The following CIITA variants were observed in gnomAD, a reference collection of about 807,000 sequenced individuals.
CIITA encodes the protein class II major histocompatibility complex transactivator.
In CIITA, 72 loss-of-function variants were observed where a neutral mutation model predicts 115.1. The observed-to-expected ratio is 0.63, with a 90% CI of 0.52 to 0.76. The LOEUF is 0.76. Ranked by LOEUF, CIITA falls within the 30% of genes least tolerant of loss-of-function variation. CIITA has a pLI of 0.00. For missense variants in CIITA, 1,617 were observed against 1,463.8 expected, an observed-to-expected ratio of 1.10 and a Z score of -1.71; for synonymous variants, 763 against 635.6, an observed-to-expected ratio of 1.20 and a Z score of -3.02.
intron 13 of CIITA, among the ~76,000 whole-genome samples, chr16:10,914,862 A>C (rs1002291154): frequency 1.3e-5 from 2 of 152,206 alleles, no homozygotes; most frequent in African/African-American, 4.8e-5. Context: ...ATGCAAAGGC[A>C]TATTAGTCAA....
At chr16:10,888,222 T>C (rs2037158340) in intron 1 of CIITA, 1 of 152,364 alleles carries the variant, frequency 6.6e-6, no homozygotes. Context: ...TCCATGCAAC[T>C]TAACTCCCCT....
intron 1 of CIITA, among the ~76,000 whole-genome samples, chr16:10,881,102 CA>C: frequency 6.6e-6 from 1 of 151,926 alleles, no homozygotes; most frequent in Admixed American, 6.6e-5. Flanking sequence ...GGAGAAACCC[CA>C]ACTCTACTAA....
rs929441487 is a variant in CIITA at position 10,884,485 on chromosome 16, G to T, written c.52+7103G>T. Among the ~76,000 whole-genome samples the T allele has an allele frequency of 2.6e-5, 4 of 152,160 alleles. 1 individual carries two copies. ...GTTGGAGTGCAGTGGCACAGTCATT[G>T]CTCACTGCAGCCTCAAGCTCCTGAG... On this transcript the variant is annotated intron_variant, in intron 1 of 19. Transcript: ENST00000324288.
In CIITA at chr16:10,941,670, G is replaced by T. The variant is rs1468359820; in HGVS notation, n.796G>T. On this transcript the variant is annotated non_coding_transcript_exon_variant, in exon 2 of 2. Coordinates refer to the CIITA transcript ENST00000573379. The surrounding 1 kb of genome is among the most constrained non-coding windows in gnomAD (Gnocchi z 6.4). Reference sequence around the variant, plus strand: ...GCATGATCTGGGCGGCTGGTCCAGGGCATGGGTTGCGGATCGTGTAGGGAA... The same window carrying T: ...GCATGATCTGGGCGGCTGGTCCAGGTCATGGGTTGCGGATCGTGTAGGGAA... 4 of 1,559,856 alleles carry T rather than the reference G, an allele frequency of 2.6e-6. No homozygotes were observed. The highest frequency in any genetic ancestry group is 1.8e-5 in the Admixed American group (1 of 56,360).
intron 15 of CIITA, 92 bp from the exon 16 acceptor site, chr16:10,918,348 C>T: frequency 2.7e-6 from 3 of 1,122,528 alleles, no homozygotes; most frequent in Non-Finnish European, 4.1e-6. Flanking sequence ...TCGACAGCGC[C>T]ATTCACAGCC....
At position 10,902,268 on chromosome 16, in the gene CIITA, G is replaced by A. The variant is rs199476066; in HGVS notation, c.628+84G>A. 1.3e-6 allele frequency: 2 copies of A among 1,561,978 alleles called. No homozygotes were observed. Among genetic ancestry groups the A allele is most frequent in the African/African-American group, 1.4e-5 (1 of 73,824 alleles). On this transcript the variant is annotated intron_variant, in intron 7 of 19. Coordinates refer to ENST00000324288, the MANE Select transcript of CIITA (RefSeq NM_000246.4). ...TTGACACTAAGGCAGGGACTGTCAG[G>A]AACTGGACCTCACCTCTCCCCAACC...
rs1485756307 is a variant in CIITA, at chr16:10,933,099, C to A, written c.*9244C>A. 6.6e-6 allele frequency: 1 copy of A among 152,210 alleles called. No individual in the cohort carries two copies. Among genetic ancestry groups the A allele is most frequent in the African/African-American group, 2.4e-5 (1 of 41,448 alleles). 9.4% of individuals were successfully genotyped at this position (152,210 alleles called of 1,614,324 possible). Reference sequence around the variant, plus strand: ...GGCAGCAGGTTCTCCAACCTTCTGACATCATCAGAGCACAGCAGACAAGTT... The same window carrying A: ...GGCAGCAGGTTCTCCAACCTTCTGAAATCATCAGAGCACAGCAGACAAGTT... On this transcript the variant is annotated 3_prime_UTR_variant, in exon 20 of 20. Coordinates refer to ENST00000324288, the MANE Select transcript of CIITA (RefSeq NM_000246.4).
intron 16 of CIITA, 58 bp downstream of exon 16, chr16:10,918,584 G>A: frequency 1.4e-6 from 2 of 1,480,724 alleles, no homozygotes; most frequent in South Asian, 1.1e-5. Context: ...AGAGCGCAGG[G>A]AACCCACATC....
At chr16:10,921,384 C>G (rs953352203) in intron 16 of CIITA, among the ~76,000 whole-genome samples, 2 of 152,176 alleles carry the variant, frequency 1.3e-5, no homozygotes, top group East Asian at 3.8e-4. Flanking sequence ...CAGTGACTGG[C>G]TTTTTCTCTT....
chr16:10,901,668 C>G lies in CIITA; in HGVS notation c.481+110C>G, dbSNP rs962011771. The stretch of plus-strand genomic sequence containing the variant: ...GATGGGGATGGTGCATGGTGCAGCC[C>G]CTGCCCTTCTTTGGGTAGAGGCTGA... On this transcript the variant is annotated intron_variant, in intron 6 of 19. Coordinates refer to ENST00000324288, the MANE Select transcript of CIITA (RefSeq NM_000246.4). This position sits in a 1 kb window ranked among gnomAD's most constrained non-coding sequence, Gnocchi z 6.8. 2 of 1,204,504 alleles carry G rather than the reference C, an allele frequency of 1.7e-6. No individual in the cohort carries two copies. Among genetic ancestry groups the G allele is most frequent in the African/African-American group, 3.0e-5 (2 of 66,300 alleles). The allele number at this position is 1,204,504 out of a possible 1,614,324, so 74.6% of individuals were successfully genotyped here.
In CIITA at chr16:10,906,673, A is replaced by C; in HGVS notation, c.1181A>C (p.Gln394Pro). 1 of 1,613,328 alleles carries C rather than the reference A, an allele frequency of 6.2e-7. No homozygotes were observed. The highest frequency in any genetic ancestry group is 1.1e-5 in the South Asian group (1 of 91,078). ...GACTGGGCAGAACGGCAGCTGGCCC[A>C]AGGAGGCCTGGCTGAGGTGCTGTTG... Reference protein sequence around the residue: ...TPDWAERQLAQGGLAEVLLAA... With the variant: ...TPDWAERQLAPGGLAEVLLAA... Residue 394 changes from glutamine (Q) to proline (P), a missense_variant, in exon 11 of 20, where the codon CAA (glutamine) becomes CCA (proline). Physicochemically the swap from Gln to Pro is moderately conservative, Grantham distance 76. Coordinates refer to ENST00000324288, the MANE Select transcript of CIITA (RefSeq NM_000246.4).
rs776459264 is a variant in CIITA at position 10,902,187 on chromosome 16, A to G, written c.628+3A>G. 6 of 1,614,000 alleles carry G rather than the reference A, an allele frequency of 3.7e-6. No individual in the cohort carries two copies. The highest frequency in any genetic ancestry group is 1.1e-5 in the South Asian group (1 of 91,084). On this transcript the variant is annotated splice_donor_region_variant and intron_variant, in intron 7 of 19. Coordinates refer to ENST00000324288, the MANE Select transcript of CIITA (RefSeq NM_000246.4). ...GGAGAAAACCGACCAGATTCCCAGT[A>G]TGTTAGGGGGCTTGGAGAGAGTGGG...
Position 10,924,155 on chromosome 16 carries a change from C to CA in CIITA, c.*301dup, listed in dbSNP as rs1408697142. On this transcript the variant is annotated 3_prime_UTR_variant, in exon 20 of 20. Coordinates refer to ENST00000324288, the MANE Select transcript of CIITA (RefSeq NM_000246.4). ...GGCCTTCTCTGAAGGACATTGCGGACAGCCACGGCCAGGCCAGAGGGAGTG... is the reference window on the plus strand; with the variant it reads ...GGCCTTCTCTGAAGGACATTGCGGACAAGCCACGGCCAGGCCAGAGGGAGTG... 6.6e-6 allele frequency: 1 copy of CA among 152,346 alleles called. No individual in the cohort carries two copies. The highest frequency in any genetic ancestry group is 2.4e-5 in the African/African-American group (1 of 41,462). 9.4% of individuals were successfully genotyped at this position (152,346 alleles called of 1,614,324 possible).
At position 10,898,911 on chromosome 16, in the gene CIITA, T is replaced by G. The variant is rs2038421404; in HGVS notation, c.359-14T>G. 6.2e-7 allele frequency: 1 copy of G among 1,613,638 alleles called. No homozygotes were observed. The highest frequency in any genetic ancestry group is 1.3e-5 in the African/African-American group (1 of 74,772). On this transcript the variant is annotated splice_polypyrimidine_tract_variant and intron_variant, in intron 4 of 19. Transcript: ENST00000324288. ...TTGATTGTGTGAGTTGGTCTCTGGT[T>G]TTTCTCAAAGTAGAGCACATAGGAC...
At chr16:10,905,612 A>C (rs147617411) in intron 10 of CIITA, among the ~76,000 whole-genome samples, 331 of 151,932 alleles carry the variant, frequency 2.2e-3, no homozygotes, top group Middle Eastern at 3.4e-3. Flanking sequence ...AAATACAAAA[A>C]TTAGCCAGAC....
chr16:10,901,284 T>A lies in CIITA; in HGVS notation c.437-230T>A, dbSNP rs770737702. Among the ~76,000 whole-genome samples, 7 of 152,290 alleles carry A rather than the reference T, an allele frequency of 4.6e-5. No homozygotes were observed. Among genetic ancestry groups the A allele is most frequent in the Admixed American group, 1.3e-4 (2 of 15,296 alleles). On this transcript the variant is annotated intron_variant, in intron 5 of 19. Coordinates refer to ENST00000324288, the MANE Select transcript of CIITA (RefSeq NM_000246.4). This position sits in a 1 kb window ranked among gnomAD's most constrained non-coding sequence, Gnocchi z 6.8. ...GGCTCAAACCCATGTTGTGTCCCCATTTGTGACTCGGCCTCTTCTGCTGCT... is the reference window on the plus strand; with the variant it reads ...GGCTCAAACCCATGTTGTGTCCCCAATTGTGACTCGGCCTCTTCTGCTGCT...
In CIITA at chr16:10,923,428, G is replaced by A. The variant is rs190480337; in HGVS notation, c.*22+103G>A. The A allele has an allele frequency of 1.9e-4, 168 of 883,882 alleles. 1 individual carries two copies. The East Asian group carries it at 3.6e-3, about 19-fold the overall frequency. The allele number at this position is 883,882 out of a possible 1,614,324, so 54.8% of individuals were successfully genotyped here. On this transcript the variant is annotated intron_variant, in intron 19 of 19. Coordinates refer to ENST00000324288, the MANE Select transcript of CIITA (RefSeq NM_000246.4). The surrounding 1 kb of genome is among the most constrained non-coding windows in gnomAD (Gnocchi z 5.2). ...TGTGGGCGGGACACAGGTGGGGCTAGGCCACCACCCTTGGACGCATGCGTC... is the reference window on the plus strand; with the variant it reads ...TGTGGGCGGGACACAGGTGGGGCTAAGCCACCACCCTTGGACGCATGCGTC...
In CIITA at chr16:10,902,704, A is replaced by T. The variant is rs754357271; in HGVS notation, c.675A>T (p.Gly225=). Residue 225 remains glycine (G), a synonymous_variant, in exon 8 of 20, where the codon GGA becomes GGT. Coordinates refer to ENST00000324288, the MANE Select transcript of CIITA (RefSeq NM_000246.4). Reference sequence around the variant, plus strand: ...TGAGCTGCCTGAATCTCCCTGAGGGACCCATCCAGTTTGTCCCCACCATCT... The same window carrying T: ...TGAGCTGCCTGAATCTCCCTGAGGGTCCCATCCAGTTTGTCCCCACCATCT... ...SSLSCLNLPE[G]PIQFVPTIST... The T allele has an allele frequency of 6.2e-7, 1 of 1,614,108 alleles. No individual in the cohort carries two copies. The highest frequency in any genetic ancestry group is 8.5e-7 in the Non-Finnish European group (1 of 1,180,000).
chr16:10,932,128 T>TA lies in CIITA; in HGVS notation c.*8273_*8274insA, dbSNP rs2040823200. 1.3e-5 allele frequency: 2 copies of TA among 152,114 alleles called. No homozygotes were observed. The highest frequency in any genetic ancestry group is 4.2e-4 in the South Asian group (2 of 4,802). 9.4% of individuals were successfully genotyped at this position (152,114 alleles called of 1,614,324 possible). A position where few individuals can be genotyped will look rare whatever the true frequency, so the allele number is the denominator to read the frequency against. ...ACACAGTGAGTCGAGGACAGGGAGG[T>TA]GACCCCAGGTTTCTATGTGTAGGGC... On this transcript the variant is annotated 3_prime_UTR_variant, in exon 20 of 20. Coordinates refer to ENST00000324288, the MANE Select transcript of CIITA (RefSeq NM_000246.4).
Sources: gnomAD v4.1 joint callset for allele counts (sites outside exome capture counted in the v4.1 genomes callset) on GRCh38, gnomAD v4.1.1 for gene constraint, Gnocchi (gnomAD v3.1) non-coding constraint, MANE v1.5 for transcripts, NCBI Gene and HGNC (gene_info 2026-07-23, HGNC 2026-07-21) for gene names.